The following TLK1 variants were observed in gnomAD, a reference collection of about 807,000 sequenced individuals.
TLK1 encodes serine/threonine-protein kinase tousled-like 1.
In TLK1, 24 loss-of-function variants were observed where a neutral mutation model predicts 105.3. That is an observed-to-expected ratio of 0.23 (90% confidence interval 0.17 to 0.32). The LOEUF is 0.32. TLK1 is among the 10% of genes least tolerant of loss of function. The probability of loss-of-function intolerance (pLI) is 1.00; values close to 1 mark genes in which losing one functional copy is unlikely to be tolerated. For synonymous variants in TLK1, 321 were observed against 310.4 expected (o/e 1.03, Z -0.36); for missense variants, 558 against 910.5 (o/e 0.61, Z 4.98).
At chr2:171,163,796 G>A (rs1386863235), upstream of TLK1, among the ~76,000 whole-genome samples, 1 of 151,538 alleles carries the variant, frequency 6.6e-6, no homozygotes, top group Non-Finnish European at 1.5e-5. Flanking sequence ...TGCAATCTTG[G>A]CTCACTGCAA....
intron 1 of TLK1, among the ~76,000 whole-genome samples, chr2:171,181,184 G>C (rs1183866163): frequency 7.2e-5 from 11 of 152,114 alleles, no homozygotes; most frequent in Non-Finnish European, 1.5e-5. Flanking sequence ...TTCAAAGTTG[G>C]TAGTTGTAAA....
At chr2:171,148,890 A>AAAAATATAT (rs1445171800) in intron 1 of TLK1, among the ~76,000 whole-genome samples, 1 of 138,470 alleles carries the variant, frequency 7.2e-6, no homozygotes, top group African/African-American at 2.7e-5. Context: ...AAAAAAAAAA[A>AAAAATATAT]ATATATATAT....
rs56111030 is a variant in TLK1 at position 171,056,515 on chromosome 2, G to A, written c.505C>T (p.Arg169Cys). 5 of 1,612,208 alleles carry A rather than the reference G, an allele frequency of 3.1e-6. No individual in the cohort carries two copies. The highest frequency in any genetic ancestry group is 4.2e-6 in the Non-Finnish European group (5 of 1,179,052). ...SPVRGIPPAI[R>C]SPQNSHSHST... ...TGTGAATGTGAATTTTGAGGAGAAC[G>A]GATTGCAGGAGGTATGCCTCTTACT... The change falls in exon 6 of 21, where the codon CGT (arginine) becomes TGT (cysteine). Residue 169 changes from arginine to cysteine, a missense_variant. Around this residue, in one of 5 missense-constraint regions of TLK1, gnomAD observed 196 missense variants for 239.3 expected, o/e 0.82. Transcript: ENST00000431350.
At chr2:171,228,144 C>G (rs542917039) in intron 1 of TLK1, among the ~76,000 whole-genome samples, 1 of 152,282 alleles carries the variant, frequency 6.6e-6, no homozygotes, top group African/African-American at 2.4e-5. Context: ...CCACTGCACT[C>G]TAGCCTGGGT....
chr2:171,187,723 C>T (rs1041631588), intron 1 of TLK1, among the ~76,000 whole-genome samples: 2 of 152,166 alleles, frequency 1.3e-5, no homozygotes, highest in Non-Finnish European at 2.9e-5. Context: ...TATTGTCTGC[C>T]TGCGTCTGCT....
intron 2 of TLK1, among the ~76,000 whole-genome samples, chr2:171,098,010 TAAAAG>T (rs913053979): frequency 1.3e-5 from 2 of 151,348 alleles, no homozygotes; most frequent in African/African-American, 4.9e-5. Flanking sequence ...GAAAGAAAAA[TAAAAG>T]AAGCCAGTTA....
upstream of TLK1, among the ~76,000 whole-genome samples, chr2:171,162,271 G>T (rs1164658181): frequency 1.3e-5 from 2 of 152,228 alleles, no homozygotes; most frequent in Non-Finnish European, 2.9e-5. Context: ...CAGGTGCGGT[G>T]GCTCACGCCT....
chr2:171,062,305 A>T (rs1687793069), intron 3 of TLK1, among the ~76,000 whole-genome samples: 1 of 152,194 alleles, frequency 6.6e-6, no homozygotes, highest in Non-Finnish European at 1.5e-5. Flanking sequence ...ACTTAAAATA[A>T]ATCTCTTAAA....
At chr2:171,133,060 A>AAGAAGTTTTACATATTAT (rs1691166722) in intron 1 of TLK1, among the ~76,000 whole-genome samples, 1 of 152,222 alleles carries the variant, frequency 6.6e-6, no homozygotes, top group Non-Finnish European at 1.5e-5. Flanking sequence ...CTTGGAGCTC[A>AAGAAGTTTTACATATTAT]ATATGTAAAA....
At chr2:171,178,829 G>A (rs1025733294) in intron 1 of TLK1, among the ~76,000 whole-genome samples, 1 of 152,108 alleles carries the variant, frequency 6.6e-6, no homozygotes, top group African/African-American at 2.4e-5. Flanking sequence ...CCTGGTTTGG[G>A]ATATCAATTT....
chr2:171,169,063 G>A (rs1692672927), intron 1 of TLK1, among the ~76,000 whole-genome samples: 1 of 151,330 alleles, frequency 6.6e-6, no homozygotes, highest in African/African-American at 2.4e-5. Flanking sequence ...GGGCAACAGA[G>A]TGAGACCCTT....
chr2:171,115,256 C>A (rs1690368628), intron 2 of TLK1, among the ~76,000 whole-genome samples: 1 of 150,002 alleles, frequency 6.7e-6, no homozygotes, highest in South Asian at 2.1e-4. Context: ...ACCGCAACCT[C>A]CGTCTCCCAG....
intron 1 of TLK1, among the ~76,000 whole-genome samples, chr2:171,148,754 A>C (rs1691895744): frequency 1.3e-5 from 2 of 151,528 alleles, no homozygotes; most frequent in Non-Finnish European, 2.9e-5. Flanking sequence ...GTGGTGATGC[A>C]TAGTAGTCCC....
chr2:171,144,983 CA>C (rs1691731996), intron 1 of TLK1, among the ~76,000 whole-genome samples: 1 of 152,120 alleles, frequency 6.6e-6, no homozygotes, highest in South Asian at 2.1e-4. Context: ...CATCCTTAGT[CA>C]TCAGGGAAAT....
chr2:171,185,124 C>A (rs1276518412), intron 1 of TLK1, among the ~76,000 whole-genome samples: 2 of 152,174 alleles, frequency 1.3e-5, no homozygotes, highest in Non-Finnish European at 2.9e-5. Flanking sequence ...CAGGCGTGAG[C>A]CACCGAGCCC....
chr2:171,041,429 C>A (rs1424657264), intron 11 of TLK1, among the ~76,000 whole-genome samples: 1 of 152,224 alleles, frequency 6.6e-6, no homozygotes, highest in Non-Finnish European at 1.5e-5. Flanking sequence ...GGATTCCCCA[C>A]CCCTGGGCCA....
At chr2:171,054,628 T>C (rs1687407798) in intron 7 of TLK1, 2 of 152,430 alleles carry the variant, frequency 1.3e-5, no homozygotes, top group Admixed American at 1.3e-4. Flanking sequence ...ACTCAGAAAC[T>C]GTCACATGTA....
chr2:171,087,546 AT>A lies in TLK1; in HGVS notation c.259-4695del, dbSNP rs573629592. On this transcript the variant is annotated intron_variant, in intron 2 of 20. Transcript: ENST00000431350. ...AAATGAGAAAAATATGCAGAAAAAA[AT>A]ATTTGAAAAAATGACAGCCAGAAAA... Among the ~76,000 whole-genome samples, 210 of 152,316 alleles carry A rather than the reference AT, an allele frequency of 1.4e-3. 1 individual carries two copies. Among genetic ancestry groups the A allele is most frequent in the Middle Eastern group, 6.8e-3 (2 of 294 alleles).
At chr2:171,054,172 A>T (rs2105436170) in intron 7 of TLK1, 1 of 179,470 alleles carries the variant, frequency 5.6e-6, no homozygotes, top group South Asian at 1.5e-4. Flanking sequence ...TAAATTGATA[A>T]GTAAAAACCT....
Sources: gnomAD v4.1 joint callset for allele counts (sites outside exome capture counted in the v4.1 genomes callset) on GRCh38, gnomAD v4.1.1 for gene constraint, gnomAD v4.1.1 regional missense constraint, MANE v1.5 for transcripts, NCBI Gene and HGNC (gene_info 2026-07-23, HGNC 2026-07-21) for gene names.